Variants in PIK3C2B observed in about 807,000 individuals in gnomAD.
The protein encoded by PIK3C2B is phosphatidylinositol-4-phosphate 3-kinase catalytic subunit type 2 beta.
PIK3C2B carries 83 observed loss-of-function variants against 184.3 expected under a neutral mutation model. The observed-to-expected ratio is 0.45, with a 90% CI of 0.38 to 0.54. The LOEUF (loss-of-function observed/expected upper bound fraction) is 0.54, where lower values mean the gene tolerates loss of function less well. Ranked by LOEUF, PIK3C2B falls within the 20% of genes least tolerant of loss-of-function variation. The pLI, the probability that PIK3C2B is intolerant of heterozygous loss-of-function variation, is 0.00. For missense variants in PIK3C2B, 1,736 were observed against 2,113.5 expected, an observed-to-expected ratio of 0.82 and a Z score of 3.50; for synonymous variants, 779 against 837.6, an observed-to-expected ratio of 0.93 and a Z score of 1.21.
At chr1:204,465,175 C>CAA in intron 3 of PIK3C2B, 44 bp downstream of exon 3, 13 of 679,732 alleles carry the variant, frequency 1.9e-5, no homozygotes, top group East Asian at 1.0e-4. Context: ...CCCTCCCCAT[C>CAA]CCCCATAGCC....
chr1:204,425,861 C>A, intron 31 of PIK3C2B, 120 bp from the exon 32 acceptor site: 3 of 845,986 alleles, frequency 3.5e-6, no homozygotes, highest in Non-Finnish European at 5.7e-6. Flanking sequence ...TTGCAATGCA[C>A]AACTAATTTA....
chr1:204,454,942 A>T lies in PIK3C2B; in HGVS notation c.1944-151T>A, dbSNP rs924760750. 4.7e-5 allele frequency: 38 copies of T among 801,360 alleles called. 1 individual carries two copies. Among genetic ancestry groups the T allele is most frequent in the Non-Finnish European group, 6.7e-5 (35 of 522,280 alleles). 49.6% of individuals were successfully genotyped at this position (801,360 alleles called of 1,614,324 possible). ...CAGGATCTCCGGATAGGACAGCCAA[A>T]CTGGATGTAAGGAAATGTGCTCAGG... On this transcript the variant is annotated intron_variant, in intron 11 of 32. Coordinates refer to ENST00000684373, the MANE Select transcript of PIK3C2B (RefSeq NM_001377334.1).
At chr1:204,440,765 T>TTA (rs34842826) in intron 21 of PIK3C2B, among the ~76,000 whole-genome samples, 2,821 of 140,004 alleles carry the variant, frequency 0.02, 87 homozygotes, top group African/African-American at 0.069. Flanking sequence ...CCCAGCTAAT[T>TTA]TATATATATA....
At chr1:204,490,180 G>A in intron 1 of PIK3C2B, 2 of 372,526 alleles carry the variant, frequency 5.4e-6, no homozygotes, top group Non-Finnish European at 9.5e-6. Flanking sequence ...TCTGCTAGGT[G>A]AGACTTCCTA....
intron 5 of PIK3C2B, among the ~76,000 whole-genome samples, 199 bp from the exon 6 acceptor site, chr1:204,460,860 C>G (rs1383725933): frequency 6.6e-6 from 1 of 152,174 alleles, no homozygotes; most frequent in Non-Finnish European, 1.5e-5. Context: ...TAAACAAAAG[C>G]CACCTAATAT....
At chr1:204,436,876 A>G (rs1675373370) in intron 23 of PIK3C2B, among the ~76,000 whole-genome samples, 1 of 152,182 alleles carries the variant, frequency 6.6e-6, no homozygotes, top group Admixed American at 6.5e-5. Context: ...GAAAGGAAAA[A>G]AATCATTACT....
At chr1:204,468,168 C>T (rs541991387) in intron 2 of PIK3C2B, among the ~76,000 whole-genome samples, 2 of 152,264 alleles carry the variant, frequency 1.3e-5, no homozygotes, top group East Asian at 1.9e-4. Flanking sequence ...ATGTGAATGT[C>T]GTCAGTGCCA....
Position 204,428,190 on chromosome 1 carries a change from G to C in PIK3C2B, c.4429C>G (p.Leu1477Val). The change falls in exon 30 of 33, where the codon CTG (leucine) becomes GTG (valine). Residue 1477 changes from leucine to valine, a missense_variant. Transcript: ENST00000684373. ...CCCATAGCCTTCTCATCCCGGGGCA[G>C]TGGGTGGAAGAAGGTGTACACCAAA... Reference protein sequence around the residue: ...CDLVYTFFHPLPRDEKAMGTS... With the variant: ...CDLVYTFFHPVPRDEKAMGTS... The C allele has an allele frequency of 1.2e-6, 2 of 1,612,854 alleles. No homozygotes were observed. Among genetic ancestry groups the C allele is most frequent in the Non-Finnish European group, 1.7e-6 (2 of 1,178,936 alleles).
At position 204,469,577 on chromosome 1, in the gene PIK3C2B, T is replaced by C. The variant is rs1397679009; in HGVS notation, c.226A>G (p.Thr76Ala). The C allele has an allele frequency of 1.1e-5, 17 of 1,593,922 alleles. No individual in the cohort carries two copies. Among genetic ancestry groups the C allele is most frequent in the Non-Finnish European group, 1.5e-5 (17 of 1,168,954 alleles). The part of the protein sequence containing the change: ...DFYSKPAGRR[T>A]DLKLLRGLSG... ...AGACCGCGTAACAGCTTGAGGTCGGTCCGCCTTCCTGCTGGCTTGCTGTAA... is the reference window on the plus strand; with the variant it reads ...AGACCGCGTAACAGCTTGAGGTCGGCCCGCCTTCCTGCTGGCTTGCTGTAA... Residue 76 changes from threonine to alanine, a missense_variant, in exon 2 of 33, where the codon ACC becomes GCC. Thr to Ala is a moderately conservative substitution (Grantham distance 58, BLOSUM62 0). Transcript: ENST00000684373.
intron 15 of PIK3C2B, 28 bp from the exon 16 acceptor site, chr1:204,446,172 G>A: frequency 6.7e-7 from 1 of 1,502,812 alleles, no homozygotes. Context: ...AGGAGAAGGT[G>A]GTGGGAGGGT....
chr1:204,428,904 G>T, intron 29 of PIK3C2B: 2 of 456,250 alleles, frequency 4.4e-6, no homozygotes, highest in South Asian at 3.1e-5. Flanking sequence ...CTGCATGCTT[G>T]AAAGTTTTAA....
intron 12 of PIK3C2B, 55 bp from the exon 13 acceptor site, chr1:204,450,072 C>T (rs1654223057): frequency 2.1e-6 from 3 of 1,440,794 alleles, no homozygotes; most frequent in African/African-American, 2.8e-5. Context: ...CTTCAAGCAA[C>T]AGGTGGCCCA....
At chr1:204,468,462 G>GC (rs1303093752) in intron 2 of PIK3C2B, among the ~76,000 whole-genome samples, 2 of 152,168 alleles carry the variant, frequency 1.3e-5, no homozygotes, top group Non-Finnish European at 2.9e-5. Flanking sequence ...TCATCGCCAC[G>GC]CAGCGTTTTT....
At position 204,427,580 on chromosome 1, in the gene PIK3C2B, G is replaced by T. The variant is rs1055891158; in HGVS notation, c.4587+68C>A. Reference sequence around the variant, plus strand: ...ACCCATATGACACGCGGCAGAGAAGGTCTGCCCAAAAAAGTAGCTAAAGAA... The same window carrying T: ...ACCCATATGACACGCGGCAGAGAAGTTCTGCCCAAAAAAGTAGCTAAAGAA... On this transcript the variant is annotated intron_variant, in intron 31 of 32. Coordinates refer to ENST00000684373, the MANE Select transcript of PIK3C2B (RefSeq NM_001377334.1). 36 of 1,013,218 alleles carry T rather than the reference G, an allele frequency of 3.6e-5. No individual in the cohort carries two copies. The Admixed American group carries it at 6.2e-4, about 18-fold the overall frequency. The allele number at this position is 1,013,218 out of a possible 1,614,324, so 62.8% of individuals were successfully genotyped here.
At position 204,424,679 on chromosome 1, in the gene PIK3C2B, G is replaced by C; in HGVS notation, c.*173C>G. ...AGTTCAGTCTCCAGAGGAAGAGACA[G>C]CAGAGCATGTCTTACTCTCCCTGCC... On this transcript the variant is annotated 3_prime_UTR_variant, in exon 33 of 33. Transcript: ENST00000684373. The C allele has an allele frequency of 1.3e-6, 1 of 772,054 alleles. No homozygotes were observed. Among genetic ancestry groups the C allele is most frequent in the Non-Finnish European group, 2.3e-6 (1 of 426,320 alleles). 47.8% of individuals were successfully genotyped at this position (772,054 alleles called of 1,614,324 possible).
intron 1 of PIK3C2B, among the ~76,000 whole-genome samples, chr1:204,484,438 A>T (rs529951729): frequency 2.0e-5 from 3 of 152,312 alleles, no homozygotes; most frequent in Admixed American, 6.5e-5. Context: ...ATCACATTTG[A>T]TTAAGTGTTT....
At chr1:204,466,970 A>G (rs1655855200) in intron 2 of PIK3C2B, 1 of 524,870 alleles carries the variant, frequency 1.9e-6, no homozygotes, top group East Asian at 5.5e-5. Flanking sequence ...CCGAGGGCCC[A>G]AGGGGTCCCC....
chr1:204,450,489 A>G (rs1452167505), intron 12 of PIK3C2B, among the ~76,000 whole-genome samples: 1 of 151,592 alleles, frequency 6.6e-6, no homozygotes, highest in African/African-American at 2.4e-5. Context: ...AAGAAGCACC[A>G]TGTTCTCTGC....
intron 19 of PIK3C2B, among the ~76,000 whole-genome samples, chr1:204,443,019 A>G (rs982396792): frequency 2.0e-5 from 3 of 152,236 alleles, no homozygotes; most frequent in Non-Finnish European, 2.9e-5. Flanking sequence ...GGCTGGTTAC[A>G]ATGTCTTCGT....
Sources: allele counts gnomAD v4.1 joint callset (sites outside exome capture counted in the v4.1 genomes callset), GRCh38; gene constraint gnomAD v4.1.1; transcripts MANE v1.5; gene names NCBI Gene and HGNC (gene_info 2026-07-23, HGNC 2026-07-21).